Variants in VDR observed in about 807,000 individuals in gnomAD.
VDR encodes vitamin D receptor, also known as vitamin D3 receptor.
Under a neutral mutation model 39.7 loss-of-function variants are expected in VDR, and 19 were observed. That is an observed-to-expected ratio of 0.48 (90% confidence interval 0.33 to 0.70). The LOEUF is 0.70. Among genes scored for constraint, VDR ranks in the 30% least tolerant of loss-of-function variants. The pLI is 0.02. For synonymous variants in VDR, 242 were observed against 215.8 expected, an observed-to-expected ratio of 1.12 and a Z score of -1.07; for missense variants, 442 against 570.5, an observed-to-expected ratio of 0.77 and a Z score of 2.29.
intron 3 of VDR, among the ~76,000 whole-genome samples, chr12:47,865,645 T>C (rs1260156730): frequency 6.6e-6 from 1 of 151,924 alleles, no homozygotes; most frequent in Admixed American, 6.6e-5. Flanking sequence ...ACTCCTGGGC[T>C]GAAGCAATCC....
chr12:47,864,063 C>T (rs1176047414), intron 4 of VDR, among the ~76,000 whole-genome samples: 1 of 152,204 alleles, frequency 6.6e-6, no homozygotes, highest in Admixed American at 6.5e-5. Flanking sequence ...GACTCCGATT[C>T]CTCAGACCCA....
At chr12:47,867,285 C>T (rs1032102243) in intron 3 of VDR, among the ~76,000 whole-genome samples, 8 of 152,108 alleles carry the variant, frequency 5.3e-5, no homozygotes, top group South Asian at 2.1e-4. Flanking sequence ...ACTTGGGAGA[C>T]GGCCGTTTCA....
chr12:47,864,786 C>T (rs1021332344), intron 4 of VDR, among the ~76,000 whole-genome samples: 3 of 152,232 alleles, frequency 2.0e-5, no homozygotes, highest in Non-Finnish European at 4.4e-5. Context: ...TCTCAGGCCC[C>T]ACTCTGGAGG....
chr12:47,904,728 T>C, intron 1 of VDR: 1 of 1,258,586 alleles, frequency 7.9e-7, no homozygotes, highest in Non-Finnish European at 1.1e-6. Context: ...GCCGAGGATG[T>C]CGCTGCTCCC....
At chr12:47,904,668 C>G in intron 1 of VDR, 1 of 1,530,508 alleles carries the variant, frequency 6.5e-7, no homozygotes, top group Non-Finnish European at 8.8e-7. Context: ...ACAAATACTT[C>G]TTGTTGCCCA....
At chr12:47,904,724 G>A (rs1384276021) in intron 1 of VDR, 4 of 1,306,946 alleles carry the variant, frequency 3.1e-6, no homozygotes, top group South Asian at 1.3e-5. Flanking sequence ...AAGCGCCGAG[G>A]ATGTCGCTGC....
At chr12:47,881,076 A>C (rs1447250536) in intron 2 of VDR, among the ~76,000 whole-genome samples, 1 of 145,790 alleles carries the variant, frequency 6.9e-6, no homozygotes, top group African/African-American at 2.6e-5. Flanking sequence ...GACTAGATAA[A>C]GAAAATACAG....
At position 47,868,927 on chromosome 12, in the gene VDR, C is replaced by T. The variant is rs545211064; in HGVS notation, c.147-3750G>A. On this transcript the variant is annotated intron_variant, in intron 3 of 9. Coordinates refer to ENST00000549336, the MANE Select transcript of VDR (RefSeq NM_000376.3). Reference sequence around the variant, plus strand: ...CAGCACATCGTCAGCCTAGCCCAGCCACCACCTACAGTGATGTGAGCCAAA... The same window carrying T: ...CAGCACATCGTCAGCCTAGCCCAGCTACCACCTACAGTGATGTGAGCCAAA... Among the ~76,000 whole-genome samples, 15 of 152,328 alleles carry T rather than the reference C, an allele frequency of 9.8e-5. No individual in the cohort carries two copies. The East Asian group carries it at 2.7e-3, about 27-fold the overall frequency.
intron 7 of VDR, among the ~76,000 whole-genome samples, chr12:47,850,513 T>A (rs993465728): frequency 6.6e-6 from 1 of 152,144 alleles, no homozygotes; most frequent in East Asian, 1.9e-4. Flanking sequence ...GAGGTTTTAG[T>A]GGGATCACTG....
intron 1 of VDR, among the ~76,000 whole-genome samples, chr12:47,892,126 C>T (rs1240150900): frequency 2.0e-5 from 3 of 152,248 alleles, no homozygotes; most frequent in Non-Finnish European, 4.4e-5. Context: ...ATTCACTTAT[C>T]CTGGGATAGA....
rs1780838635 is a variant in VDR at position 47,842,069 on chromosome 12, AC to A, written c.*2676del. Reference sequence around the variant, plus strand: ...AGGTGGTGGGGCCCAGGGCTGAGTAACTGATATTTCCAGGAGTTCCCCGAAG... The same window carrying A: ...AGGTGGTGGGGCCCAGGGCTGAGTAATGATATTTCCAGGAGTTCCCCGAAG... On this transcript the variant is annotated 3_prime_UTR_variant, in exon 10 of 10. Transcript: ENST00000549336. 1 of 152,350 alleles carries A rather than the reference AC, an allele frequency of 6.6e-6. No homozygotes were observed. Among genetic ancestry groups the A allele is most frequent in the Non-Finnish European group, 1.5e-5 (1 of 68,084 alleles). 9.4% of individuals were successfully genotyped at this position (152,350 alleles called of 1,614,324 possible). A position where few individuals can be genotyped will look rare whatever the true frequency, so the allele number is the denominator to read the frequency against.
At chr12:47,854,902 A>C (rs895505921) in intron 7 of VDR, among the ~76,000 whole-genome samples, 2 of 152,276 alleles carry the variant, frequency 1.3e-5, no homozygotes, top group Non-Finnish European at 2.9e-5. Flanking sequence ...ATTTTAAAGA[A>C]GCAATGGAGG....
chr12:47,862,307 C>T (rs1246569765), intron 4 of VDR, among the ~76,000 whole-genome samples: 3 of 152,206 alleles, frequency 2.0e-5, no homozygotes, highest in African/African-American at 7.2e-5. Flanking sequence ...CCTGGAAATG[C>T]ACAATGGAGT....
chr12:47,896,444 T>C (rs1946466099), intron 1 of VDR, among the ~76,000 whole-genome samples: 1 of 151,380 alleles, frequency 6.6e-6, no homozygotes, highest in Non-Finnish European at 1.5e-5. Context: ...TTCAGATCTG[T>C]TCTCGGGGCT....
chr12:47,883,884 C>T (rs146425505), intron 1 of VDR, among the ~76,000 whole-genome samples: 7 of 152,354 alleles, frequency 4.6e-5, no homozygotes, highest in Non-Finnish European at 8.8e-5. Context: ...TGCCAGCTCC[C>T]AGGGAGCATC....
Position 47,841,588 on chromosome 12 carries a change from C to A in VDR, c.*3158G>T, listed in dbSNP as rs1286753080. The A allele has an allele frequency of 6.6e-5, 10 of 152,330 alleles. No individual in the cohort carries two copies. Among genetic ancestry groups the A allele is most frequent in the Admixed American group, 6.5e-4 (10 of 15,284 alleles). 9.4% of individuals were successfully genotyped at this position (152,330 alleles called of 1,614,324 possible). ...AGCAGTACTTGCAACAAAGTAAGTG[C>A]TATATAAGTATGAGCCATTTTTATT... On this transcript the variant is annotated 3_prime_UTR_variant, in exon 10 of 10. Transcript: ENST00000549336.
rs1335793014 is a variant in VDR at position 47,857,644 on chromosome 12, G to A, written c.322C>T (p.Leu108=). The change falls in exon 5 of 10, where the codon CTG becomes TTG. Residue 108 remains leucine (L), a synonymous_variant. Transcript: ENST00000549336. ...EEVQRKREMI[L]KRKEEEALKD... ...AAGGCCTCCTCCTCCTTCCGCTTCAGGATCATCTCCCGCTTCCTCTGCACT... is the reference window on the plus strand; with the variant it reads ...AAGGCCTCCTCCTCCTTCCGCTTCAAGATCATCTCCCGCTTCCTCTGCACT... 3 of 1,614,220 alleles carry A rather than the reference G, an allele frequency of 1.9e-6. No individual in the cohort carries two copies. The highest frequency in any genetic ancestry group is 2.5e-6 in the Non-Finnish European group (3 of 1,180,048).
chr12:47,862,578 C>T lies in VDR; in HGVS notation c.277+2469G>A, dbSNP rs528637910. Reference sequence around the variant, plus strand: ...TCTGACACACAGTAGTTGGTCAATACACAGGGTTTCTGTCCTCATCCTTTC... The same window carrying T: ...TCTGACACACAGTAGTTGGTCAATATACAGGGTTTCTGTCCTCATCCTTTC... On this transcript the variant is annotated intron_variant, in intron 4 of 9. Transcript: ENST00000549336. Among the ~76,000 whole-genome samples the T allele has an allele frequency of 5.3e-5, 8 of 152,360 alleles. No individual in the cohort carries two copies. The East Asian group carries it at 7.7e-4, about 15-fold the overall frequency.
intron 1 of VDR, among the ~76,000 whole-genome samples, chr12:47,886,098 C>G (rs1412477162): frequency 6.6e-6 from 1 of 152,202 alleles, no homozygotes; most frequent in Non-Finnish European, 1.5e-5. Flanking sequence ...CCTACTCCTT[C>G]TAGAAAGAAA....
Sources: gnomAD v4.1 joint callset for allele counts (sites outside exome capture counted in the v4.1 genomes callset) on GRCh38, gnomAD v4.1.1 for gene constraint, MANE v1.5 for transcripts, NCBI Gene and HGNC (gene_info 2026-07-23, HGNC 2026-07-21) for gene names.